Variants in AOPEP observed in about 807,000 individuals in gnomAD.
The protein encoded by AOPEP is aminopeptidase O (putative).
In AOPEP, 77 loss-of-function variants were observed where a neutral mutation model predicts 98.1. The observed-to-expected ratio is 0.78, with a 90% CI of 0.65 to 0.95. The LOEUF is 0.95. Ranked by LOEUF, AOPEP falls within the 40% of genes least tolerant of loss-of-function variation. The pLI is 0.00. For synonymous variants in AOPEP, 346 were observed against 365.3 expected, an observed-to-expected ratio of 0.95 and a Z score of 0.60; for missense variants, 1,024 against 1,024.7, an observed-to-expected ratio of 1.00 and a Z score of 0.01.
At chr9:94,895,191 T>G (rs1045878068) in intron 5 of AOPEP, among the ~76,000 whole-genome samples, 2 of 146,116 alleles carry the variant, frequency 1.4e-5, no homozygotes, top group African/African-American at 5.2e-5. Context: ...CTGGGCAACA[T>G]AGCAACACAG....
At chr9:95,065,804 A>T (rs556808985) in intron 14 of AOPEP, among the ~76,000 whole-genome samples, 1 of 152,202 alleles carries the variant, frequency 6.6e-6, no homozygotes, top group East Asian at 1.9e-4. Context: ...TCACAGTATG[A>T]TTGCAGGTAC....
Position 95,017,601 on chromosome 9 carries a change from G to A in AOPEP, c.2115+11985G>A, listed in dbSNP as rs564369633. ...AGATTGCTGAGTGCCCCCACAGACAGCAAAGATGGTGATTCTGAGTCTCGC... is the reference window on the plus strand; with the variant it reads ...AGATTGCTGAGTGCCCCCACAGACAACAAAGATGGTGATTCTGAGTCTCGC... On this transcript the variant is annotated intron_variant, in intron 13 of 16. Coordinates refer to ENST00000375315, the MANE Select transcript of AOPEP (RefSeq NM_001193329.3). Among the ~76,000 whole-genome samples, 3 of 152,306 alleles carry A rather than the reference G, an allele frequency of 2.0e-5. No homozygotes were observed. The East Asian group carries it at 5.8e-4, about 29-fold the overall frequency.
In AOPEP at chr9:94,996,114, C is replaced by T. The variant is rs148783484; in HGVS notation, c.1978-9044C>T. 7.5e-4 allele frequency among the ~76,000 whole-genome samples: 114 copies of T among 152,198 alleles called. 2 individuals carry two copies. The South Asian group carries it at 0.017, about 23-fold the overall frequency. ...GGGCTTTCCTTATATGGACACAGCT[C>T]GGCCTGTGTAGCATTAAACACTGAT... is the stretch of plus-strand genomic sequence containing the variant. On this transcript the variant is annotated intron_variant, in intron 11 of 16. Coordinates refer to ENST00000375315, the MANE Select transcript of AOPEP (RefSeq NM_001193329.3).
At chr9:95,085,355 C>T in intron 16 of AOPEP, 2 of 487,418 alleles carry the variant, frequency 4.1e-6, no homozygotes, top group Non-Finnish European at 8.6e-6. Flanking sequence ...AGAACAGGTG[C>T]ATCTCGTAGC....
At chr9:95,020,886 T>C (rs1389757311) in intron 13 of AOPEP, among the ~76,000 whole-genome samples, 1 of 112,904 alleles carries the variant, frequency 8.9e-6, no homozygotes, top group Non-Finnish European at 1.7e-5. Context: ...GCCACTGTAC[T>C]CCAGCCTGGG....
At chr9:95,020,875 C>T (rs556889831) in intron 13 of AOPEP, among the ~76,000 whole-genome samples, 15 of 123,586 alleles carry the variant, frequency 1.2e-4, no homozygotes, top group South Asian at 5.4e-4. Context: ...GCCGAGATTG[C>T]GCCACTGTAC....
chr9:94,759,515 C>T (rs1223787018), intron 1 of AOPEP, 134 bp from the exon 2 acceptor site: 2 of 375,614 alleles, frequency 5.3e-6, no homozygotes, highest in Non-Finnish European at 9.5e-6. Flanking sequence ...AAAGATAAGT[C>T]AGCCTTCTAG....
chr9:94,817,120 C>G (rs548315701), intron 5 of AOPEP, among the ~76,000 whole-genome samples: 26 of 152,256 alleles, frequency 1.7e-4, no homozygotes, highest in Middle Eastern at 3.4e-3. Context: ...CCTACCCCAG[C>G]CCCCTGAGTA....
intron 5 of AOPEP, among the ~76,000 whole-genome samples, chr9:94,857,198 C>T (rs1456634911): frequency 1.3e-5 from 2 of 152,218 alleles, no homozygotes; most frequent in Admixed American, 1.3e-4. Flanking sequence ...AACCTGAAGT[C>T]AGCTCACCTA....
chr9:95,017,164 G>A (rs1170472776), intron 13 of AOPEP, among the ~76,000 whole-genome samples: 2 of 152,084 alleles, frequency 1.3e-5, no homozygotes, highest in Admixed American at 6.6e-5. Context: ...TCGTATACAA[G>A]TGGGTTTCTG....
intron 15 of AOPEP, among the ~76,000 whole-genome samples, chr9:95,081,677 A>C (rs1474827073): frequency 6.6e-6 from 1 of 152,140 alleles, no homozygotes; most frequent in Non-Finnish European, 1.5e-5. Context: ...AGAAGGACAA[A>C]ATTTAAGAGC....
intron 5 of AOPEP, among the ~76,000 whole-genome samples, chr9:94,918,412 A>G (rs2053129099): frequency 6.6e-6 from 1 of 152,174 alleles, no homozygotes; most frequent in Admixed American, 6.5e-5. Context: ...ATAGCTTCCC[A>G]TTGGTGCCTC....
chr9:94,741,186 G>C (rs1832985644), intron 1 of AOPEP, among the ~76,000 whole-genome samples: 1 of 152,078 alleles, frequency 6.6e-6, no homozygotes, highest in Non-Finnish European at 1.5e-5. Flanking sequence ...GTTGTGAATG[G>C]TAAGGATTTT....
intron 1 of AOPEP, among the ~76,000 whole-genome samples, chr9:94,752,835 T>C (rs1360865809): frequency 6.6e-6 from 1 of 152,160 alleles, no homozygotes. Context: ...AGCAATAGAC[T>C]ATGGTAGCAA....
chr9:94,859,523 G>C (rs1298217094), intron 5 of AOPEP, among the ~76,000 whole-genome samples: 4 of 152,182 alleles, frequency 2.6e-5, no homozygotes, highest in Admixed American at 2.6e-4. Context: ...ACCCATGCTT[G>C]CTTTTCTTTT....
chr9:95,082,016 G>A (rs775578217), intron 15 of AOPEP, among the ~76,000 whole-genome samples: 16 of 152,046 alleles, frequency 1.1e-4, no homozygotes, highest in Non-Finnish European at 2.1e-4. Context: ...AGCAGAGCCG[G>A]TGCGGGCTAC....
At chr9:94,752,600 A>G (rs1397323140) in intron 1 of AOPEP, among the ~76,000 whole-genome samples, 1 of 152,244 alleles carries the variant, frequency 6.6e-6, no homozygotes, top group Non-Finnish European at 1.5e-5. Flanking sequence ...CAAACATACA[A>G]CTGTTAAAAG....
At chr9:94,905,543 C>T (rs73657013) in intron 5 of AOPEP, among the ~76,000 whole-genome samples, 10,412 of 152,142 alleles carry the variant, frequency 0.068, 1,214 homozygotes, top group African/African-American at 0.24. Context: ...GCATGTTCTT[C>T]TGTCATTTTT....
Position 94,760,009 on chromosome 9 carries a change from A to T in AOPEP, c.226A>T (p.Met76Leu). ...ATCAAACAAAGCCTGCAAATTTGGG[A>T]TGCCTGAACCCTGCCATATTCCCGT... Reference protein sequence around the residue: ...SESNKACKFGMPEPCHIPVTN... With the variant: ...SESNKACKFGLPEPCHIPVTN... Residue 76 changes from methionine to leucine, a missense_variant, in exon 2 of 17, where the codon ATG becomes TTG. Physicochemically the swap from Met to Leu is conservative, Grantham distance 15. Around this residue, in one of 3 missense-constraint regions of AOPEP, gnomAD observed 440 missense variants for 433.8 expected, o/e 1.01. Coordinates refer to ENST00000375315, the MANE Select transcript of AOPEP (RefSeq NM_001193329.3). 6.2e-7 allele frequency: 1 copy of T among 1,614,238 alleles called. No individual in the cohort carries two copies. The highest frequency in any genetic ancestry group is 8.5e-7 in the Non-Finnish European group (1 of 1,180,038).
Sources: gnomAD v4.1 joint callset for allele counts (sites outside exome capture counted in the v4.1 genomes callset) on GRCh38, gnomAD v4.1.1 for gene constraint, gnomAD v4.1.1 regional missense constraint, MANE v1.5 for transcripts, NCBI Gene and HGNC (gene_info 2026-07-23, HGNC 2026-07-21) for gene names.